Variants in MADD observed in about 807,000 individuals in gnomAD.
MADD encodes MAP kinase activating death domain, also known as MAP kinase-activating death domain protein.
Under a neutral mutation model 176.7 loss-of-function variants are expected in MADD, and 109 were observed. The observed-to-expected ratio is 0.62, with a 90% confidence interval of 0.53 to 0.72. The LOEUF is 0.72. MADD is among the 30% of genes least tolerant of loss of function. The pLI, the probability that MADD is intolerant of heterozygous loss-of-function variation, is 0.00. For synonymous variants in MADD, 771 were observed against 771.3 expected (o/e 1.00, Z 0.01); for missense variants, 1,914 against 2,045.5 (o/e 0.94, Z 1.24).
chr11:47,287,193 G>A (rs1393622892), intron 15 of MADD, among the ~76,000 whole-genome samples: 4 of 152,144 alleles, frequency 2.6e-5, no homozygotes, highest in Admixed American at 6.5e-5. Flanking sequence ...CTGGTGTCAC[G>A]CACCTGTAAT....
At position 47,278,311 on chromosome 11, in the gene MADD, A is replaced by G. The variant is rs759117857; in HGVS notation, c.1209+33A>G. 10 of 1,493,240 alleles carry G rather than the reference A, an allele frequency of 6.7e-6. No homozygotes were observed. The Admixed American group carries it at 8.4e-5, about 12-fold the overall frequency. 92.5% of individuals were successfully genotyped at this position (1,493,240 alleles called of 1,614,324 possible). A position where few individuals can be genotyped will look rare whatever the true frequency, so the allele number is the denominator to read the frequency against. ...TCTTGGCTGAGGCATTGTAGAGTCT[A>G]GAGGAGGATTGCATTCTAGACCCAG... On this transcript the variant is annotated intron_variant, in intron 6 of 32. Coordinates refer to ENST00000402192, the Ensembl canonical transcript of MADD.
intron 4 of MADD, 21 bp downstream of exon 4, chr11:47,276,223 A>T: frequency 6.3e-7 from 1 of 1,579,402 alleles, no homozygotes. Flanking sequence ...AGCTTCCTAG[A>T]CCTTTCTAGG....
At chr11:47,277,152 A>G (rs1038901869) in intron 5 of MADD, among the ~76,000 whole-genome samples, 2 of 152,236 alleles carry the variant, frequency 1.3e-5, no homozygotes, top group Non-Finnish European at 2.9e-5. Context: ...ACACATTCCA[A>G]GACCCACCAG....
chr11:47,298,388 A>T (rs567146562), intron 22 of MADD, among the ~76,000 whole-genome samples: 1 of 152,358 alleles, frequency 6.6e-6, no homozygotes, highest in South Asian at 2.1e-4. Context: ...TCATAAATGG[A>T]AGCGGCAGTG....
At chr11:47,308,731 T>C in intron 23 of MADD, 32 bp downstream of exon 25, 1 of 1,566,172 alleles carries the variant, frequency 6.4e-7, no homozygotes, top group Non-Finnish European at 8.8e-7. Context: ...CCCTTTGCAC[T>C]GGAGAAAGCT....
intron 27 of MADD, among the ~76,000 whole-genome samples, chr11:47,318,610 T>C (rs2141605276): frequency 6.6e-6 from 1 of 152,246 alleles, no homozygotes; most frequent in Non-Finnish European, 1.5e-5. Flanking sequence ...GCTAAGTCTC[T>C]GGAGTGTGGG....
chr11:47,290,180 T>TA lies in MADD; in HGVS notation c.2976dup (p.Asp993ArgfsTer38), dbSNP rs760848407. The TA allele has an allele frequency of 6.2e-7, 1 of 1,614,056 alleles. No individual in the cohort carries two copies. The highest frequency in any genetic ancestry group is 1.3e-5 in the African/African-American group (1 of 74,918). ...AGTCGGAAGGTGTACAAGGGAATGT[T>TA]AGACCTCCTCAAGTGTACAGTCCTC... is the stretch of plus-strand genomic sequence containing the variant. On this transcript the variant is annotated frameshift_variant, in exon 18 of 33. Coordinates refer to ENST00000402192, the Ensembl canonical transcript of MADD. LOFTEE classifies it high-confidence loss of function.
chr11:47,293,291 T>G (rs1476022156), intron 19 of MADD, among the ~76,000 whole-genome samples: 1 of 151,946 alleles, frequency 6.6e-6, no homozygotes, highest in Non-Finnish European at 1.5e-5. Context: ...AGACATTTGT[T>G]CGTGGAGCTT....
chr11:47,284,789 G>T, intron 12 of MADD, 152 bp from the exon 13 acceptor site: 1 of 1,256,718 alleles, frequency 8.0e-7, no homozygotes, highest in Admixed American at 2.2e-5. Context: ...TATATAGTTT[G>T]TGGGGACAGA....
At position 47,284,387 on chromosome 11, in the gene MADD, T is replaced by C. The variant is rs773121537; in HGVS notation, c.1979T>C (p.Leu660Pro). 8.7e-6 allele frequency: 14 copies of C among 1,614,062 alleles called. No homozygotes were observed. The highest frequency in any genetic ancestry group is 1.7e-5 in the Admixed American group (1 of 60,000). ...TGGATTTTGGCAGATGTGGACCCTC[T>C]GACACATGCAGCACTGGGGGATGCC... is the stretch of plus-strand genomic sequence containing the variant. The change falls in exon 12 of 33, where the codon CTG becomes CCG. Residue 660 changes from leucine to proline, a missense_variant. By Grantham distance (98) the Leu-to-Pro change is moderately conservative. Coordinates refer to ENST00000402192, the Ensembl canonical transcript of MADD.
chr11:47,297,584 C>T (rs1034550144), intron 22 of MADD, among the ~76,000 whole-genome samples: 11 of 151,100 alleles, frequency 7.3e-5, no homozygotes, highest in African/African-American at 2.4e-4. Flanking sequence ...GTAGCTGGGA[C>T]TACGGGTGCC....
chr11:47,310,608 TAGAA>T (rs952334503), intron 25 of MADD, among the ~76,000 whole-genome samples: 6 of 152,072 alleles, frequency 3.9e-5, no homozygotes, highest in Non-Finnish European at 8.8e-5. Flanking sequence ...TTTAAAACCT[TAGAA>T]AGGATGCTCA....
At chr11:47,275,108 G>A in exon 3 of MADD, 1 of 1,614,182 alleles carries the variant, frequency 6.2e-7, no homozygotes, top group Non-Finnish European at 8.5e-7. Flanking sequence ...GTGGACTGCT[G>A]TAGTGAGCGC....
intron 15 of MADD, 93 bp downstream of exon 16, chr11:47,289,120 G>C: frequency 7.8e-7 from 1 of 1,284,426 alleles, no homozygotes; most frequent in African/African-American, 1.5e-5. Context: ...GGAGCAAGCA[G>C]CGTCACATGA....
At position 47,285,439 on chromosome 11, in the gene MADD, T is replaced by C. The variant is rs1296888277; in HGVS notation, c.2412-12T>C. On this transcript the variant is annotated splice_polypyrimidine_tract_variant and intron_variant, in intron 13 of 32. Coordinates refer to ENST00000402192, the Ensembl canonical transcript of MADD. ...CCTGCCTGGGGATCATAGGTGCCTCTGTGCATTCAAGGGCTCAAAAGCTGC... is the reference window on the plus strand; with the variant it reads ...CCTGCCTGGGGATCATAGGTGCCTCCGTGCATTCAAGGGCTCAAAAGCTGC... 1 of 1,614,124 alleles carries C rather than the reference T, an allele frequency of 6.2e-7. No individual in the cohort carries two copies. The highest frequency in any genetic ancestry group is 8.5e-7 in the Non-Finnish European group (1 of 1,180,026).
rs998266983 is a variant in MADD, at chr11:47,276,295, A to G, written c.963+93A>G. On this transcript the variant is annotated intron_variant, in intron 4 of 32. Transcript: ENST00000402192. Reference sequence around the variant, plus strand: ...AGCTCTTAGAGGACAGGGACTACATATTTTTCACCTTTTTGTCTTCAGGAG... The same window carrying G: ...AGCTCTTAGAGGACAGGGACTACATGTTTTTCACCTTTTTGTCTTCAGGAG... 5.4e-6 allele frequency: 7 copies of G among 1,284,578 alleles called. No individual in the cohort carries two copies. In the East Asian group the frequency reaches 1.4e-4, roughly 26 times the overall value. The allele number at this position is 1,284,578 out of a possible 1,614,324, so 79.6% of individuals were successfully genotyped here. A position where few individuals can be genotyped will look rare whatever the true frequency, so the allele number is the denominator to read the frequency against.
At chr11:47,324,963 C>G (rs1441586719) in intron 30 of MADD, 2 of 583,310 alleles carry the variant, frequency 3.4e-6, no homozygotes, top group Admixed American at 3.0e-5. Context: ...CTAGACTGGC[C>G]GATCTCCTTG....
chr11:47,296,105 G>T (rs779049120), intron 22 of MADD, 50 bp downstream of exon 24: 1 of 1,588,718 alleles, frequency 6.3e-7, no homozygotes, highest in East Asian at 2.2e-5. Context: ...ATGGGGGAGG[G>T]AAGCAGGCAA....
intron 20 of MADD, 69 bp downstream of exon 22, chr11:47,294,052 A>T: frequency 7.7e-7 from 1 of 1,305,728 alleles, no homozygotes; most frequent in South Asian, 1.2e-5. Flanking sequence ...TTTAAGTTAA[A>T]ATAGAACAGT....
Sources: gnomAD v4.1 joint callset for allele counts (sites outside exome capture counted in the v4.1 genomes callset) on GRCh38, gnomAD v4.1.1 for gene constraint, MANE v1.5 for transcripts, NCBI Gene and HGNC (gene_info 2026-07-23, HGNC 2026-07-21) for gene names.